The following CSMD1 variants were observed in gnomAD, a reference collection of about 807,000 sequenced individuals.
The protein encoded by CSMD1 is CUB and Sushi multiple domains 1.
CSMD1 carries 213 observed loss-of-function variants against 417.5 expected under a neutral mutation model. The ratio of observed to expected loss-of-function variants is 0.51; its 90% CI spans 0.46 to 0.57. CSMD1 has a LOEUF of 0.57. CSMD1 is among the 20% of genes least tolerant of loss of function. CSMD1 has a pLI of 0.00. For synonymous variants in CSMD1, 2,862 were observed against 1,736.8 expected, an observed-to-expected ratio of 1.65 and a Z score of -16.11; for missense variants, 6,923 against 4,529.7, an observed-to-expected ratio of 1.53 and a Z score of -15.17.
At chr8:3,383,190 G>C (rs1810750081) in intron 18 of CSMD1, among the ~76,000 whole-genome samples, 1 of 152,206 alleles carries the variant, frequency 6.6e-6, no homozygotes, top group Non-Finnish European at 1.5e-5. Flanking sequence ...ACAAGTTATA[G>C]ATCATGGTGA....
At chr8:3,698,259 A>G (rs1337518993) in intron 7 of CSMD1, among the ~76,000 whole-genome samples, 1 of 152,198 alleles carries the variant, frequency 6.6e-6, no homozygotes, top group Non-Finnish European at 1.5e-5. Flanking sequence ...TAATTTACTT[A>G]CCTGACTGAT....
intron 59 of CSMD1, among the ~76,000 whole-genome samples, chr8:2,965,538 C>T (rs1692879094): frequency 6.6e-6 from 1 of 152,164 alleles, no homozygotes; most frequent in Admixed American, 6.5e-5. Flanking sequence ...CCGACATCTC[C>T]AGTTCCTGGT....
chr8:4,484,505 A>G lies in CSMD1; in HGVS notation c.303-64440T>C, dbSNP rs188410807. Among the ~76,000 whole-genome samples, 14 of 152,208 alleles carry G rather than the reference A, an allele frequency of 9.2e-5. No individual in the cohort carries two copies. The East Asian group carries it at 2.7e-3, about 30-fold the overall frequency. ...GCACAAAAGAGAACAGGGGATCTTAAGCAAGTTTGGTAAGTCCATCTCACA... is the reference window on the plus strand; with the variant it reads ...GCACAAAAGAGAACAGGGGATCTTAGGCAAGTTTGGTAAGTCCATCTCACA... On this transcript the variant is annotated intron_variant, in intron 2 of 69. Coordinates refer to ENST00000635120, the MANE Select transcript of CSMD1 (RefSeq NM_033225.6).
intron 18 of CSMD1, among the ~76,000 whole-genome samples, chr8:3,383,261 A>T (rs1423515450): frequency 6.6e-6 from 1 of 152,222 alleles, no homozygotes; most frequent in Non-Finnish European, 1.5e-5. Context: ...TTAAACATGC[A>T]GTTTACTGCA....
intron 10 of CSMD1, among the ~76,000 whole-genome samples, chr8:3,532,746 T>G (rs180768801): frequency 7.9e-5 from 12 of 152,202 alleles, no homozygotes; most frequent in African/African-American, 2.9e-4. Flanking sequence ...TATCTATTGA[T>G]CAATATATAG....
intron 12 of CSMD1, among the ~76,000 whole-genome samples, chr8:3,465,647 C>T (rs1490578897): frequency 6.6e-6 from 1 of 152,186 alleles, no homozygotes; most frequent in Non-Finnish European, 1.5e-5. Context: ...TTTTACACTA[C>T]TCAGGCTATT....
At chr8:4,573,998 G>A (rs1288849682) in intron 2 of CSMD1, among the ~76,000 whole-genome samples, 2 of 152,110 alleles carry the variant, frequency 1.3e-5, no homozygotes, top group Non-Finnish European at 2.9e-5. Flanking sequence ...CTCCCAGCTC[G>A]ACTTCAGACT....
chr8:4,987,773 G>C (rs910679471), intron 1 of CSMD1, among the ~76,000 whole-genome samples: 4 of 152,174 alleles, frequency 2.6e-5, no homozygotes, highest in Admixed American at 6.5e-5. Flanking sequence ...CTCATCAACT[G>C]TCATCTTGGC....
intron 5 of CSMD1, among the ~76,000 whole-genome samples, chr8:3,887,571 G>A (rs796739675): frequency 1.1e-4 from 17 of 152,294 alleles, no homozygotes; most frequent in African/African-American, 3.6e-4. Context: ...AATTCCTGTA[G>A]AGCAAGGCCA....
At chr8:4,728,599 T>C (rs903721177) in intron 1 of CSMD1, among the ~76,000 whole-genome samples, 1 of 152,184 alleles carries the variant, frequency 6.6e-6, no homozygotes, top group South Asian at 2.1e-4. Flanking sequence ...ATTTAACACA[T>C]GTCCTTCCTA....
chr8:4,223,028 G>A (rs554074066), intron 3 of CSMD1, among the ~76,000 whole-genome samples: 6 of 151,920 alleles, frequency 3.9e-5, no homozygotes, highest in African/African-American at 9.7e-5. Context: ...ATAATAAGAA[G>A]AACTGACAAC....
chr8:3,306,749 TA>T (rs1804884934), intron 25 of CSMD1, among the ~76,000 whole-genome samples: 1 of 151,744 alleles, frequency 6.6e-6, no homozygotes. Flanking sequence ...GAACTAAAAA[TA>T]AAACTGATTT....
chr8:4,584,005 G>A (rs557179613), intron 2 of CSMD1, among the ~76,000 whole-genome samples: 19 of 151,948 alleles, frequency 1.3e-4, no homozygotes, highest in African/African-American at 3.4e-4. Context: ...GGGGAGGAAC[G>A]AACAACTCCA....
intron 1 of CSMD1, among the ~76,000 whole-genome samples, chr8:4,980,879 G>A (rs887689799): frequency 1.3e-5 from 2 of 151,894 alleles, no homozygotes; most frequent in Admixed American, 1.3e-4. Flanking sequence ...ACTCCAGCCT[G>A]GGTGACAAAG....
intron 3 of CSMD1, among the ~76,000 whole-genome samples, chr8:4,069,625 C>A (rs371311048): frequency 2.6e-5 from 4 of 152,258 alleles, no homozygotes; most frequent in African/African-American, 9.6e-5. Context: ...GGCCTGTATT[C>A]CCCTCAAGCC....
Position 3,800,362 on chromosome 8 carries a change from T to C in CSMD1, c.819-46320A>G, listed in dbSNP as rs190002733. On this transcript the variant is annotated intron_variant, in intron 5 of 69. Coordinates refer to ENST00000635120, the MANE Select transcript of CSMD1 (RefSeq NM_033225.6). Reference sequence around the variant, plus strand: ...AAAATATTATTGTTCCGGAAGTGTTTTGAGAAACAAATGAGCTTACACAAT... The same window carrying C: ...AAAATATTATTGTTCCGGAAGTGTTCTGAGAAACAAATGAGCTTACACAAT... Among the ~76,000 whole-genome samples, 18 of 149,244 alleles carry C rather than the reference T, an allele frequency of 1.2e-4. No individual in the cohort carries two copies. In the East Asian group the frequency reaches 2.1e-3, roughly 18 times the overall value.
At chr8:3,758,114 C>T (rs1490717070) in intron 5 of CSMD1, among the ~76,000 whole-genome samples, 2 of 152,020 alleles carry the variant, frequency 1.3e-5, no homozygotes, top group African/African-American at 4.8e-5. Context: ...CAGGCACCGG[C>T]CACCACACCT....
chr8:4,445,092 C>G (rs995044444), intron 2 of CSMD1, among the ~76,000 whole-genome samples: 1 of 152,190 alleles, frequency 6.6e-6, no homozygotes, highest in Non-Finnish European at 1.5e-5. Flanking sequence ...CATGTTACTT[C>G]TCTGAACAAC....
rs540854417 is a variant in CSMD1 at position 4,857,958 on chromosome 8, C to T, written c.85+136374G>A. Among the ~76,000 whole-genome samples, 226 of 152,020 alleles carry T rather than the reference C, an allele frequency of 1.5e-3. 2 individuals are homozygous for T. Among genetic ancestry groups the T allele is most frequent in the African/African-American group, 5.2e-3 (217 of 41,482 alleles). On this transcript the variant is annotated intron_variant, in intron 1 of 69. Coordinates refer to ENST00000635120, the MANE Select transcript of CSMD1 (RefSeq NM_033225.6). ...ATACCAAAGCCAGGCAGAGACACAACCAAAAAAGAGAATTTTAGACCAATA... is the reference window on the plus strand; with the variant it reads ...ATACCAAAGCCAGGCAGAGACACAATCAAAAAAGAGAATTTTAGACCAATA...
Sources: allele counts gnomAD v4.1 joint callset (sites outside exome capture counted in the v4.1 genomes callset), GRCh38; gene constraint gnomAD v4.1.1; transcripts MANE v1.5; gene names NCBI Gene and HGNC (gene_info 2026-07-23, HGNC 2026-07-21).